WDR26: variants seen among roughly 807,000 people sequenced by gnomAD.
WDR26 encodes the protein WD repeat domain 26, also known as WD repeat-containing protein 26.
In WDR26, 5 loss-of-function variants were observed where a neutral mutation model predicts 84.1. The observed-to-expected ratio is 0.06, with a 90% confidence interval of 0.03 to 0.13. The LOEUF (loss-of-function observed/expected upper bound fraction) is 0.13, where lower values mean the gene tolerates loss of function less well. WDR26 is among the 10% of genes least tolerant of loss of function. The probability of loss-of-function intolerance (pLI) is 1.00; values close to 1 mark genes in which losing one functional copy is unlikely to be tolerated. For missense variants in WDR26, 642 were observed against 974.9 expected, an observed-to-expected ratio of 0.66 and a Z score of 4.55; for synonymous variants, 415 against 389.6, an observed-to-expected ratio of 1.07 and a Z score of -0.77.
chr1:224,400,555 A>C (rs1010135435), intron 9 of WDR26, among the ~76,000 whole-genome samples: 3 of 152,004 alleles, frequency 2.0e-5, no homozygotes, highest in Non-Finnish European at 4.4e-5. Flanking sequence ...TTATTTATGT[A>C]TTTTTTTGAG....
intron 4 of WDR26, 79 bp downstream of exon 4, chr1:224,424,439 T>G (rs1014554498): frequency 1.2e-5 from 18 of 1,551,242 alleles, no homozygotes; most frequent in Admixed American, 1.9e-5. Context: ...ATAATCAAGA[T>G]TTTATATTTT....
chr1:224,400,888 T>C, intron 9 of WDR26, 62 bp downstream of exon 9: 1 of 1,584,832 alleles, frequency 6.3e-7, no homozygotes, highest in Admixed American at 1.8e-5. Context: ...GGAAATTGTT[T>C]AAACAAAAGT....
chr1:224,398,304 TTGCCTGA>T, intron 11 of WDR26, 78 bp from the exon 12 acceptor site: 1 of 1,523,444 alleles, frequency 6.6e-7, no homozygotes. Flanking sequence ...AAATATCCCT[TTGCCTGA>T]TGAAATATCT....
chr1:224,416,945 T>C (rs1287350206), intron 6 of WDR26, among the ~76,000 whole-genome samples: 2 of 152,114 alleles, frequency 1.3e-5, no homozygotes, highest in Non-Finnish European at 2.9e-5. Flanking sequence ...TATTAAAGAG[T>C]TTAAAAGGGA....
chr1:224,419,862 T>C (rs1015417574), intron 4 of WDR26, among the ~76,000 whole-genome samples: 1 of 95,512 alleles, frequency 1.0e-5, no homozygotes, highest in Non-Finnish European at 2.1e-5. Context: ...ATATTATATA[T>C]ATGGCTCTTA....
intron 13 of WDR26, 152 bp from the exon 14 acceptor site, chr1:224,390,012 A>G: frequency 1.7e-6 from 1 of 593,506 alleles, no homozygotes; most frequent in South Asian, 2.2e-5. Flanking sequence ...AATTCTTGAA[A>G]CTTTCATCAT....
At chr1:224,393,668 C>T (rs567954276) in intron 13 of WDR26, among the ~76,000 whole-genome samples, 160 bp downstream of exon 13, 1 of 152,286 alleles carries the variant, frequency 6.6e-6, no homozygotes, top group East Asian at 1.9e-4. Context: ...TCTTACACTA[C>T]TTAAACTCAT....
chr1:224,416,492 C>T (rs1215685414), intron 6 of WDR26, among the ~76,000 whole-genome samples: 3 of 152,212 alleles, frequency 2.0e-5, no homozygotes, highest in Non-Finnish European at 2.9e-5. Context: ...TCCCATAGTG[C>T]TGGGATTACA....
At chr1:224,426,213 G>A (rs961220479) in intron 3 of WDR26, among the ~76,000 whole-genome samples, 1 of 152,116 alleles carries the variant, frequency 6.6e-6, no homozygotes, top group Admixed American at 6.6e-5. Flanking sequence ...AAATGCTGTG[G>A]AGAAATTACC....
At chr1:224,414,139 C>T (rs1481601395) in intron 6 of WDR26, among the ~76,000 whole-genome samples, 3 of 140,408 alleles carry the variant, frequency 2.1e-5, no homozygotes, top group Non-Finnish European at 4.6e-5. Flanking sequence ...CTGAGTTTCG[C>T]TTGTTGCCCA....
chr1:224,419,439 A>C lies in WDR26; in HGVS notation c.1162+79T>G, dbSNP rs536283484. On this transcript the variant is annotated intron_variant, in intron 5 of 13. Transcript: ENST00000414423. ...ATAAAAGTATGTCCAGATATTCCCC[A>C]TCTGTCTTCCTAATTGATCACTGTA... is the stretch of plus-strand genomic sequence containing the variant. 2.7e-5 allele frequency: 29 copies of C among 1,088,642 alleles called. 1 individual carries two copies. In the South Asian group the frequency reaches 3.4e-4, roughly 13 times the overall value. The allele number at this position is 1,088,642 out of a possible 1,614,324, so 67.4% of individuals were successfully genotyped here.
intron 7 of WDR26, among the ~76,000 whole-genome samples, chr1:224,408,531 T>C (rs1673644253): frequency 6.6e-6 from 1 of 152,142 alleles, no homozygotes; most frequent in African/African-American, 2.4e-5. Context: ...AATAAATGAC[T>C]GGTGAATGAA....
chr1:224,397,437 G>A (rs190060231), intron 12 of WDR26, among the ~76,000 whole-genome samples: 4 of 152,280 alleles, frequency 2.6e-5, no homozygotes, highest in Admixed American at 2.6e-4. Context: ...TTTTATTACT[G>A]CCTCACTTAT....
chr1:224,398,480 C>T, intron 11 of WDR26, 35 bp downstream of exon 11: 1 of 1,549,284 alleles, frequency 6.5e-7, no homozygotes, highest in East Asian at 2.3e-5. Flanking sequence ...TTGTACTAAG[C>T]CAAATTTTTC....
At chr1:224,413,198 ACAACAAAAAC>A in intron 6 of WDR26, 1 of 831,262 alleles carries the variant, frequency 1.2e-6, no homozygotes, top group Non-Finnish European at 1.5e-6. Context: ...AACAACAACA[ACAACAAAAAC>A]CCCCCCCCCC....
At chr1:224,398,482 A>C in intron 11 of WDR26, 33 bp downstream of exon 11, 1 of 1,561,560 alleles carries the variant, frequency 6.4e-7, no homozygotes, top group Non-Finnish European at 8.6e-7. Flanking sequence ...GTACTAAGCC[A>C]AATTTTTCAG....
chr1:224,412,749 A>G (rs571450013), intron 6 of WDR26, among the ~76,000 whole-genome samples: 1 of 152,342 alleles, frequency 6.6e-6, no homozygotes, highest in South Asian at 2.1e-4. Context: ...GCTATTGAAC[A>G]CTTGAAATGT....
At chr1:224,392,189 G>A (rs982227439) in intron 13 of WDR26, among the ~76,000 whole-genome samples, 7 of 151,954 alleles carry the variant, frequency 4.6e-5, no homozygotes, top group Admixed American at 6.6e-5. Context: ...GTGAAACCCC[G>A]TCTCTACTAA....
At chr1:224,394,376 A>T (rs970437468) in intron 12 of WDR26, among the ~76,000 whole-genome samples, 8 of 152,234 alleles carry the variant, frequency 5.3e-5, no homozygotes, top group Admixed American at 5.2e-4. Context: ...ATCCAAATTG[A>T]ATACTGAAGC....
Sources: gnomAD v4.1 joint callset for allele counts (sites outside exome capture counted in the v4.1 genomes callset) on GRCh38, gnomAD v4.1.1 for gene constraint, MANE v1.5 for transcripts, NCBI Gene and HGNC (gene_info 2026-07-23, HGNC 2026-07-21) for gene names.